Variants in PDZRN4 observed in about 807,000 individuals in gnomAD.
The protein encoded by PDZRN4 is PDZ domain containing ring finger 4.
PDZRN4 carries 70 observed loss-of-function variants against 99.0 expected under a neutral mutation model. The ratio of observed to expected loss-of-function variants is 0.71; its 90% CI spans 0.58 to 0.86. PDZRN4 has a LOEUF of 0.86. PDZRN4 is among the 40% of genes least tolerant of loss of function. The pLI is 0.00. For missense variants in PDZRN4, 1,474 were observed against 1,331.2 expected, an observed-to-expected ratio of 1.11 and a Z score of -1.67; for synonymous variants, 551 against 501.6, an observed-to-expected ratio of 1.10 and a Z score of -1.32.
chr12:41,230,121 GC>G, intron 3 of PDZRN4, among the ~76,000 whole-genome samples: 1 of 152,066 alleles, frequency 6.6e-6, no homozygotes, highest in East Asian at 1.9e-4. Context: ...GGACATTGCT[GC>G]TGGGGAGGGC....
At chr12:41,281,170 C>T (rs1043092542) in intron 3 of PDZRN4, among the ~76,000 whole-genome samples, 1 of 150,690 alleles carries the variant, frequency 6.6e-6, no homozygotes, top group African/African-American at 2.4e-5. Flanking sequence ...GTATCATCAA[C>T]ATCAACAAAA....
intron 3 of PDZRN4, chr12:41,477,795 C>T (rs1337957636): frequency 1.0e-5 from 9 of 895,754 alleles, no homozygotes; most frequent in Non-Finnish European, 1.6e-5. Context: ...CCACAGGCGC[C>T]TTTACCATGC....
intron 3 of PDZRN4, among the ~76,000 whole-genome samples, chr12:41,220,744 G>A (rs1173983151): frequency 6.6e-6 from 1 of 152,112 alleles, no homozygotes; most frequent in Non-Finnish European, 1.5e-5. Context: ...AATAAACCAG[G>A]CAATTCAGAA....
chr12:41,503,427 G>A (rs73278074), intron 3 of PDZRN4, among the ~76,000 whole-genome samples: 5,390 of 152,074 alleles, frequency 0.035, 324 homozygotes, highest in African/African-American at 0.12. Context: ...ATAATAAATA[G>A]CCATTGATCT....
intron 3 of PDZRN4, among the ~76,000 whole-genome samples, chr12:41,282,390 C>T (rs1388566554): frequency 1.3e-5 from 2 of 152,162 alleles, no homozygotes; most frequent in Non-Finnish European, 2.9e-5. Flanking sequence ...TAGAGACCTA[C>T]AAAGAGACTT....
chr12:41,511,794 C>T (rs762609498), intron 5 of PDZRN4, among the ~76,000 whole-genome samples: 1 of 152,156 alleles, frequency 6.6e-6, no homozygotes, highest in African/African-American at 2.4e-5. Context: ...TCTAGTCAGT[C>T]CACTGCCATC....
chr12:41,457,492 T>G (rs1952826083), intron 3 of PDZRN4, among the ~76,000 whole-genome samples: 1 of 152,218 alleles, frequency 6.6e-6, no homozygotes, highest in African/African-American at 2.4e-5. Flanking sequence ...TAAATTTTTT[T>G]GAAGCTTCAT....
At chr12:41,194,848 T>TTGAGGAACATTTCTGA (rs1227139086) in intron 3 of PDZRN4, among the ~76,000 whole-genome samples, 2 of 152,200 alleles carry the variant, frequency 1.3e-5, no homozygotes, top group African/African-American at 2.4e-5. Context: ...TAAATCTCTG[T>TTGAGGAACATTTCTGA]TGAGGAACAT....
rs774830319 is a variant in PDZRN4, at chr12:41,188,518, C to A, written c.63C>A (p.Cys21Ter). The A allele has an allele frequency of 5.0e-6, 8 of 1,585,804 alleles. No individual in the cohort carries two copies. In the African/African-American group the frequency reaches 5.4e-5, roughly 11 times the overall value. The part of the protein sequence containing the change: ...AVDPALECKL[C>*]GQVLEEPLCT... Reference sequence around the variant, plus strand: ...ACCCGGCTCTGGAGTGCAAACTGTGCGGCCAGGTGCTTGAAGAGCCCCTGT... The same window carrying A: ...ACCCGGCTCTGGAGTGCAAACTGTGAGGCCAGGTGCTTGAAGAGCCCCTGT... The change falls in exon 1 of 10, where the codon TGC (cysteine) becomes TGA (stop). Residue 21 changes from cysteine to a stop codon, truncating the protein, a stop_gained. Coordinates refer to ENST00000402685, the MANE Select transcript of PDZRN4 (RefSeq NM_001164595.2). LOFTEE classifies it high-confidence loss of function.
At chr12:41,248,383 A>T (rs926183940) in intron 3 of PDZRN4, among the ~76,000 whole-genome samples, 6 of 152,178 alleles carry the variant, frequency 3.9e-5, no homozygotes, top group Non-Finnish European at 5.9e-5. Context: ...TACGAATTAC[A>T]CATGATATGC....
intron 3 of PDZRN4, among the ~76,000 whole-genome samples, chr12:41,408,238 T>C (rs1952363850): frequency 6.6e-6 from 1 of 152,264 alleles, no homozygotes; most frequent in Admixed American, 6.5e-5. Context: ...ATATTTCACC[T>C]TCGTGGAAAC....
chr12:41,520,075 A>T (rs1413501547), intron 5 of PDZRN4, among the ~76,000 whole-genome samples: 1 of 152,108 alleles, frequency 6.6e-6, no homozygotes, highest in Non-Finnish European at 1.5e-5. Flanking sequence ...TGCCTAGAAT[A>T]TCCCCTCTTC....
chr12:41,323,762 G>T (rs1951694140), intron 3 of PDZRN4, among the ~76,000 whole-genome samples: 1 of 151,452 alleles, frequency 6.6e-6, no homozygotes, highest in Non-Finnish European at 1.5e-5. Context: ...AATATTTTCT[G>T]CACATTTATA....
chr12:41,281,909 T>C (rs540222177), intron 3 of PDZRN4, among the ~76,000 whole-genome samples: 3 of 152,280 alleles, frequency 2.0e-5, no homozygotes, highest in East Asian at 3.9e-4. Flanking sequence ...TACCAGCCAC[T>C]GCAAAAACAT....
At chr12:41,338,982 T>TAAA (rs1951795659) in intron 3 of PDZRN4, among the ~76,000 whole-genome samples, 1 of 151,982 alleles carries the variant, frequency 6.6e-6, no homozygotes, top group South Asian at 2.1e-4. Flanking sequence ...TCAATATTGG[T>TAAA]AAAACGTCAA....
chr12:41,431,180 T>C (rs927271788), intron 3 of PDZRN4, among the ~76,000 whole-genome samples: 21 of 152,290 alleles, frequency 1.4e-4, no homozygotes, highest in Middle Eastern at 6.8e-3. Flanking sequence ...AAAATGAAAG[T>C]CATCATTATC....
chr12:41,486,450 G>A (rs1430109398), intron 3 of PDZRN4, among the ~76,000 whole-genome samples: 1 of 152,064 alleles, frequency 6.6e-6, no homozygotes, highest in Non-Finnish European at 1.5e-5. Context: ...CCAACATAAG[G>A]GAGTTATTGC....
chr12:41,346,698 T>C (rs1372682465), intron 3 of PDZRN4, among the ~76,000 whole-genome samples: 1 of 152,140 alleles, frequency 6.6e-6, no homozygotes, highest in East Asian at 1.9e-4. Context: ...AAATAATTTT[T>C]TTAAGTATGC....
At chr12:41,530,578 TTC>T (rs934508579) in intron 5 of PDZRN4, among the ~76,000 whole-genome samples, 1 of 152,226 alleles carries the variant, frequency 6.6e-6, no homozygotes, top group Non-Finnish European at 1.5e-5. Context: ...GCTGTGAACA[TTC>T]TTTTATGCAT....
Sources: gnomAD v4.1 joint callset for allele counts (sites outside exome capture counted in the v4.1 genomes callset) on GRCh38, gnomAD v4.1.1 for gene constraint, MANE v1.5 for transcripts, NCBI Gene and HGNC (gene_info 2026-07-23, HGNC 2026-07-21) for gene names.